TJP1: variants seen among roughly 807,000 people sequenced by gnomAD.
The protein encoded by TJP1 is tight junction protein ZO-1.
TJP1 carries 43 observed loss-of-function variants against 194.2 expected under a neutral mutation model. The ratio of observed to expected loss-of-function variants is 0.22; its 90% CI spans 0.17 to 0.29. The LOEUF (loss-of-function observed/expected upper bound fraction) is 0.29, where lower values mean the gene tolerates loss of function less well. Ranked by LOEUF, TJP1 falls within the 10% of genes least tolerant of loss-of-function variation. The pLI is 1.00. For missense variants in TJP1, 1,971 were observed against 2,185.7 expected, an observed-to-expected ratio of 0.90 and a Z score of 1.96; for synonymous variants, 801 against 779.0, an observed-to-expected ratio of 1.03 and a Z score of -0.47.
chr15:29,859,536 G>A (rs1408213858), intron 2 of TJP1, among the ~76,000 whole-genome samples: 5 of 152,190 alleles, frequency 3.3e-5, no homozygotes, highest in Non-Finnish European at 7.3e-5. Flanking sequence ...AGAAGGCAGA[G>A]TTTGACAGTC....
intron 13 of TJP1, 111 bp from the exon 14 acceptor site, chr15:29,732,926 A>T (rs575416519): frequency 8.0e-7 from 1 of 1,256,794 alleles, no homozygotes; most frequent in Non-Finnish European, 1.1e-6. Flanking sequence ...ATACAGTTTA[A>T]ATCTTAATGG....
intron 2 of TJP1, among the ~76,000 whole-genome samples, chr15:29,900,633 G>C (rs1164287515): frequency 6.6e-6 from 1 of 152,168 alleles, no homozygotes. Flanking sequence ...CAAGTTACTA[G>C]CTGTATAAAC....
At chr15:29,759,050 C>A (rs1014006600) in intron 8 of TJP1, 3 of 152,198 alleles carry the variant, frequency 2.0e-5, no homozygotes, top group Admixed American at 2.0e-4. Context: ...AAACACTTTA[C>A]AGTTTTAACT....
intron 1 of TJP1, among the ~76,000 whole-genome samples, chr15:29,820,915 T>TGA (rs1341196219): frequency 6.6e-6 from 1 of 152,200 alleles, no homozygotes; most frequent in East Asian, 1.9e-4. Context: ...CAAGCTTCTG[T>TGA]GAGAGTTCAA....
chr15:29,730,946 C>A lies in TJP1; in HGVS notation c.2017+1487G>T, dbSNP rs549024711. 53 of 1,236,226 alleles carry A rather than the reference C, an allele frequency of 4.3e-5. No homozygotes were observed. The Admixed American group carries it at 6.5e-4, about 15-fold the overall frequency. The allele number at this position is 1,236,226 out of a possible 1,614,324, so 76.6% of individuals were successfully genotyped here. On this transcript the variant is annotated intron_variant, in intron 15 of 27. Coordinates refer to ENST00000614355, the MANE Select transcript of TJP1 (RefSeq NM_001330239.4). ...CAGAAAATGGAGATGCCAAAACAGA[C>A]CAGGCACAGAAAGCTGAAGGTGCTG...
At chr15:29,817,181 T>C (rs1368137858) in intron 1 of TJP1, among the ~76,000 whole-genome samples, 1 of 152,096 alleles carries the variant, frequency 6.6e-6, no homozygotes, top group Non-Finnish European at 1.5e-5. Context: ...AAGACATTTA[T>C]GCTGCCAAAA....
chr15:29,928,421 T>C (rs1555454862), intron 2 of TJP1, among the ~76,000 whole-genome samples: 2 of 149,262 alleles, frequency 1.3e-5, no homozygotes, highest in Admixed American at 6.7e-5. Flanking sequence ...CATAAGCTGC[T>C]GGTACAACTA....
intron 1 of TJP1, among the ~76,000 whole-genome samples, chr15:29,958,281 T>C (rs1350043480): frequency 6.7e-6 from 1 of 148,246 alleles, no homozygotes; most frequent in Non-Finnish European, 1.5e-5. Context: ...GAAGTCTCTC[T>C]CTCTTTTTAG....
At chr15:29,795,438 C>CA (rs2048345662) in intron 2 of TJP1, among the ~76,000 whole-genome samples, 2 of 150,110 alleles carry the variant, frequency 1.3e-5, no homozygotes, top group Non-Finnish European at 1.5e-5. Context: ...AAAAGACTAC[C>CA]AAAAAACAAA....
chr15:29,750,070 C>T (rs1044429536), intron 8 of TJP1, among the ~76,000 whole-genome samples: 3 of 151,162 alleles, frequency 2.0e-5, no homozygotes, highest in East Asian at 2.0e-4. Flanking sequence ...TGCAGTGGTG[C>T]GATCCTGGCT....
upstream of TJP1, chr15:29,823,981 G>A (rs927440331): frequency 1.3e-5 from 2 of 149,510 alleles, no homozygotes; most frequent in African/African-American, 4.9e-5. Context: ...TACTCGGGAG[G>A]CTGAGGCAGA....
chr15:29,903,634 C>T (rs963799134), intron 2 of TJP1, among the ~76,000 whole-genome samples: 1 of 151,898 alleles, frequency 6.6e-6, no homozygotes, highest in East Asian at 1.9e-4. Flanking sequence ...TTAGTAGAGA[C>T]GGGGTTTCGC....
intron 2 of TJP1, among the ~76,000 whole-genome samples, chr15:29,786,559 G>A (rs2047712979): frequency 6.6e-6 from 1 of 152,158 alleles, no homozygotes; most frequent in Non-Finnish European, 1.5e-5. Context: ...GAGTGCAGTG[G>A]TGCAATCACA....
At chr15:29,777,999 T>C (rs1402246708) in intron 2 of TJP1, among the ~76,000 whole-genome samples, 2 of 152,138 alleles carry the variant, frequency 1.3e-5, no homozygotes, top group African/African-American at 2.4e-5. Flanking sequence ...GTAGTTATTT[T>C]ATTTTCCTCT....
At chr15:29,707,250 T>G (rs1406058082) in intron 25 of TJP1, among the ~76,000 whole-genome samples, 1 of 152,114 alleles carries the variant, frequency 6.6e-6, no homozygotes, top group African/African-American at 2.4e-5. Context: ...GCTTCAAAAG[T>G]AGAGGCTATC....
chr15:29,800,718 A>C lies in TJP1; in HGVS notation c.28-16T>G. On this transcript the variant is annotated splice_polypyrimidine_tract_variant and intron_variant, in intron 1 of 27. Transcript: ENST00000614355. ...TTGCTGTGCTCTGATAAAGGAAAAGAAAAACAAATCATTTACCTTTTAAGA... is the reference window on the plus strand; with the variant it reads ...TTGCTGTGCTCTGATAAAGGAAAAGCAAAACAAATCATTTACCTTTTAAGA... The C allele has an allele frequency of 3.1e-6, 5 of 1,612,672 alleles. No homozygotes were observed. Among genetic ancestry groups the C allele is most frequent in the Non-Finnish European group, 4.2e-6 (5 of 1,179,506 alleles).
At chr15:29,739,589 G>GC (rs2044259076) in intron 10 of TJP1, among the ~76,000 whole-genome samples, 1 of 151,728 alleles carries the variant, frequency 6.6e-6, no homozygotes, top group African/African-American at 2.4e-5. Context: ...GACTACAGGC[G>GC]CCCGCCACCA....
intron 2 of TJP1, among the ~76,000 whole-genome samples, chr15:29,910,849 A>G (rs2053989607): frequency 6.6e-6 from 1 of 152,236 alleles, no homozygotes; most frequent in Admixed American, 6.5e-5. Context: ...GGGGTAAACT[A>G]AAAGAGAGTG....
chr15:29,886,654 C>T (rs1420140578), intron 2 of TJP1, among the ~76,000 whole-genome samples: 1 of 149,862 alleles, frequency 6.7e-6, no homozygotes, highest in Non-Finnish European at 1.5e-5. Context: ...TTACCAGATA[C>T]TACCAGTTTG....
Sources: allele counts gnomAD v4.1 joint callset (sites outside exome capture counted in the v4.1 genomes callset), GRCh38; gene constraint gnomAD v4.1.1; transcripts MANE v1.5; gene names NCBI Gene and HGNC (gene_info 2026-07-23, HGNC 2026-07-21).